Variants in KLHL7 observed in about 807,000 individuals in gnomAD.
The protein encoded by KLHL7 is kelch-like protein 7.
In KLHL7, 44 loss-of-function variants were observed where a neutral mutation model predicts 67.4. That is an observed-to-expected ratio of 0.65 (90% CI 0.51 to 0.84). KLHL7 has a LOEUF of 0.84. Ranked by LOEUF, KLHL7 falls within the 40% of genes least tolerant of loss-of-function variation. The probability of loss-of-function intolerance (pLI) is 0.00; values close to 1 mark genes in which losing one functional copy is unlikely to be tolerated. For synonymous variants in KLHL7, 252 were observed against 243.3 expected (o/e 1.04, Z -0.33); for missense variants, 362 against 718.1 (o/e 0.50, Z 5.67).
At chr7:23,114,660 A>G (rs1188302262) in intron 1 of KLHL7, among the ~76,000 whole-genome samples, 1 of 152,112 alleles carries the variant, frequency 6.6e-6, no homozygotes, top group Non-Finnish European at 1.5e-5. Context: ...TCTACCAATA[A>G]CTGTTCTTTT....
At chr7:23,159,646 C>T (rs926387860) in intron 7 of KLHL7, among the ~76,000 whole-genome samples, 3 of 152,102 alleles carry the variant, frequency 2.0e-5, no homozygotes, top group Non-Finnish European at 4.4e-5. Context: ...GTCCTCTCAC[C>T]TCAGCCTCCT....
intron 9 of KLHL7, among the ~76,000 whole-genome samples, chr7:23,170,968 C>G (rs1308701307): frequency 7.1e-6 from 1 of 140,482 alleles, no homozygotes; most frequent in African/African-American, 2.8e-5. Context: ...AATGCAGTGG[C>G]ACGATCTCAG....
At chr7:23,145,982 G>A (rs1343316403) in intron 6 of KLHL7, among the ~76,000 whole-genome samples, 1 of 152,066 alleles carries the variant, frequency 6.6e-6, no homozygotes, top group East Asian at 1.9e-4. Flanking sequence ...CCCTCCTGCC[G>A]AGGCTTCCCA....
chr7:23,133,710 A>T (rs1270682251), intron 4 of KLHL7, among the ~76,000 whole-genome samples: 2 of 152,198 alleles, frequency 1.3e-5, no homozygotes, highest in Non-Finnish European at 2.9e-5. Context: ...CTGGGATTAC[A>T]GGCATGAACC....
intron 5 of KLHL7, among the ~76,000 whole-genome samples, chr7:23,141,691 C>G (rs779763412): frequency 6.6e-6 from 1 of 152,104 alleles, no homozygotes; most frequent in African/African-American, 2.4e-5. Flanking sequence ...GGCGTGATCT[C>G]TGCTCACTGC....
chr7:23,165,853 G>A lies in KLHL7; in HGVS notation c.1092G>A (p.Ser364=), dbSNP rs770570364. The change falls in exon 8 of 11, where the codon TCG becomes TCA. Residue 364 remains serine, a synonymous_variant. Coordinates refer to ENST00000339077, the MANE Select transcript of KLHL7 (RefSeq NM_001031710.3). ...ATGTAGTGAAGGATAGCTGGTATTC[G>A]AAACTGGGTCCTCCGACACCTCGAG... The part of the protein sequence containing the change: ...CYNVVKDSWY[S]KLGPPTPRDS... 60 of 1,614,066 alleles carry A rather than the reference G, an allele frequency of 3.7e-5. 2 individuals carry two copies. In the South Asian group the frequency reaches 5.6e-4, roughly 15 times the overall value.
At chr7:23,156,342 G>A (rs1784706127) in intron 7 of KLHL7, among the ~76,000 whole-genome samples, 1 of 152,144 alleles carries the variant, frequency 6.6e-6, no homozygotes, top group South Asian at 2.1e-4. Flanking sequence ...CTTTTATAAA[G>A]CCTATTGAGC....
At chr7:23,144,593 A>G (rs1441861831) in intron 6 of KLHL7, among the ~76,000 whole-genome samples, 3 of 152,124 alleles carry the variant, frequency 2.0e-5, no homozygotes, top group Non-Finnish European at 4.4e-5. Context: ...GGCCTGAGGC[A>G]CAGTTCTTGT....
chr7:23,113,475 A>G (rs1476550085), intron 1 of KLHL7, among the ~76,000 whole-genome samples: 1 of 152,240 alleles, frequency 6.6e-6, no homozygotes, highest in Non-Finnish European at 1.5e-5. Context: ...ACCCACTAGC[A>G]GAAAGACTAA....
rs1785261105 is a variant in KLHL7 at position 23,174,873 on chromosome 7, A to G, written c.*575A>G. ...CTTTCTCACAAAACTTCCTAAACAG[A>G]TTTGGGGGTTTAATATGTCCAACTC... On this transcript the variant is annotated 3_prime_UTR_variant, in exon 11 of 11. Transcript: ENST00000339077. 1 of 454,410 alleles carries G rather than the reference A, an allele frequency of 2.2e-6. No homozygotes were observed. The highest frequency in any genetic ancestry group is 4.4e-6 in the Non-Finnish European group (1 of 226,782). 28.1% of individuals were successfully genotyped at this position (454,410 alleles called of 1,614,324 possible). A position where few individuals can be genotyped will look rare whatever the true frequency, so the allele number is the denominator to read the frequency against.
intron 4 of KLHL7, among the ~76,000 whole-genome samples, chr7:23,138,844 T>C (rs1363323930): frequency 6.6e-6 from 1 of 152,062 alleles, no homozygotes; most frequent in East Asian, 1.9e-4. Flanking sequence ...GTATTTCTAA[T>C]TAGTGCTCCA....
intron 1 of KLHL7, among the ~76,000 whole-genome samples, chr7:23,119,517 T>C (rs1237204993): frequency 6.6e-6 from 1 of 152,224 alleles, no homozygotes; most frequent in African/African-American, 2.4e-5. Flanking sequence ...TTGTCACATA[T>C]TATTAACATT....
At chr7:23,149,871 T>G (rs922755503) in intron 6 of KLHL7, among the ~76,000 whole-genome samples, 1 of 152,196 alleles carries the variant, frequency 6.6e-6, no homozygotes. Flanking sequence ...AACTCTGAAA[T>G]GGAAGAAATG....
At chr7:23,138,432 A>G (rs1408363766) in intron 4 of KLHL7, among the ~76,000 whole-genome samples, 2 of 133,174 alleles carry the variant, frequency 1.5e-5, no homozygotes, top group East Asian at 2.2e-4. Context: ...ACTGCACTCC[A>G]GCCTGGGCGA....
At chr7:23,107,077 G>A (rs1782676110) in intron 1 of KLHL7, among the ~76,000 whole-genome samples, 1 of 152,188 alleles carries the variant, frequency 6.6e-6, no homozygotes, top group South Asian at 2.1e-4. Flanking sequence ...ATGGGCAACA[G>A]TAGAGGAATT....
intron 5 of KLHL7, among the ~76,000 whole-genome samples, chr7:23,142,351 C>A (rs143681503): frequency 7.2e-5 from 11 of 152,084 alleles, no homozygotes; most frequent in Admixed American, 2.6e-4. Flanking sequence ...TGCTTTTGTT[C>A]TAAAAACAAA....
At chr7:23,171,624 A>G (rs1785163405) in intron 9 of KLHL7, among the ~76,000 whole-genome samples, 1 of 152,242 alleles carries the variant, frequency 6.6e-6, no homozygotes, top group Non-Finnish European at 1.5e-5. Context: ...TTTTAAAACA[A>G]TACATAAATG....
In KLHL7 at chr7:23,105,917, A is replaced by G. The variant is rs1367943160; in HGVS notation, c.-110A>G. On this transcript the variant is annotated 5_prime_UTR_variant, in exon 1 of 11. Coordinates refer to ENST00000339077, the MANE Select transcript of KLHL7 (RefSeq NM_001031710.3). ...CGCGCGTTCCAGAGCTGGGCGCTGC[A>G]GCTGCACTGCCGATCGCCGTGTTTG... 1.3e-6 allele frequency: 2 copies of G among 1,489,558 alleles called. No individual in the cohort carries two copies. The highest frequency in any genetic ancestry group is 1.8e-6 in the Non-Finnish European group (2 of 1,104,068). The allele number at this position is 1,489,558 out of a possible 1,614,324, so 92.3% of individuals were successfully genotyped here. A position where few individuals can be genotyped will look rare whatever the true frequency, so the allele number is the denominator to read the frequency against.
intron 4 of KLHL7, chr7:23,126,064 ACTC>A: frequency 1.6e-6 from 1 of 642,274 alleles, no homozygotes; most frequent in Non-Finnish European, 2.8e-6. Flanking sequence ...TAGCATCACT[ACTC>A]TTATATTTTG....
Sources: gnomAD v4.1 joint callset for allele counts (sites outside exome capture counted in the v4.1 genomes callset) on GRCh38, gnomAD v4.1.1 for gene constraint, MANE v1.5 for transcripts, NCBI Gene and HGNC (gene_info 2026-07-23, HGNC 2026-07-21) for gene names.